The following RO60 variants were observed in gnomAD, a reference collection of about 807,000 sequenced individuals.
The protein encoded by RO60 is Ro60, Y RNA binding protein.
A neutral mutation model predicts 55.3 loss-of-function variants in RO60; 20 were observed. The observed-to-expected ratio is 0.36, with a 90% CI of 0.25 to 0.53. The LOEUF is 0.53. Among genes scored for constraint, RO60 ranks in the 20% least tolerant of loss-of-function variants. The pLI is 0.92. For synonymous variants in RO60, 213 were observed against 213.6 expected (o/e 1.00, Z 0.02); for missense variants, 558 against 646.6 (o/e 0.86, Z 1.49).
intron 8 of RO60, 64 bp downstream of exon 8, chr1:193,082,772 T>G: frequency 4.9e-6 from 7 of 1,439,634 alleles, no homozygotes; most frequent in Non-Finnish European, 6.5e-6. Context: ...GATTTTTTTT[T>G]TTTTTTTTTG....
At position 193,082,287 on chromosome 1, in the gene RO60, G is replaced by A; in HGVS notation, c.1305G>A (p.Met435Ile). 1.9e-6 allele frequency: 3 copies of A among 1,605,454 alleles called. No individual in the cohort carries two copies. The highest frequency in any genetic ancestry group is 2.6e-6 in the Non-Finnish European group (3 of 1,175,904). Residue 435 changes from methionine to isoleucine, a missense_variant, in exon 7 of 9, where the codon ATG becomes ATA. By Grantham distance (10) the Met-to-Ile change is conservative (BLOSUM62 1). Transcript: ENST00000400968. ...TTDMTLQQVL[M>I]AMSQIPAGGT... is the part of the protein sequence containing the mutation. ...ATATGACCTTACAACAGGTTTTAAT[G>A]GCTATGAGTCAGGTAAGAAACTGTG... is the stretch of plus-strand genomic sequence containing the variant.
Position 193,085,631 on chromosome 1 carries a change from C to G in RO60, c.*900C>G. On this transcript the variant is annotated 3_prime_UTR_variant, in exon 9 of 9. Transcript: ENST00000400968. ...ATTCACAAAGTATAACAATTAAAAT[C>G]TCAACTATAACCAGTTTAGCTTTTT... 1.0e-6 allele frequency: 1 copy of G among 984,258 alleles called. No homozygotes were observed. Among genetic ancestry groups the G allele is most frequent in the Non-Finnish European group, 1.2e-6 (1 of 828,954 alleles). 61.0% of individuals were successfully genotyped at this position (984,258 alleles called of 1,614,324 possible).
intron 2 of RO60, among the ~76,000 whole-genome samples, chr1:193,074,373 T>C (rs964968578): frequency 8.5e-5 from 13 of 152,228 alleles, no homozygotes; most frequent in African/African-American, 3.1e-4. Flanking sequence ...AGTGTTCCTG[T>C]TTCTCCACAT....
At chr1:193,091,696 C>T (rs376998963), downstream of RO60, 2 of 1,609,388 alleles carry the variant, frequency 1.2e-6, no homozygotes, top group Non-Finnish European at 1.7e-6. Flanking sequence ...ACATGGAGTG[C>T]AGGTGGACAC....
Position 193,087,236 on chromosome 1 carries a change from T to C in RO60, c.*2505T>C, listed in dbSNP as rs1410566517. On this transcript the variant is annotated 3_prime_UTR_variant, in exon 9 of 9. Coordinates refer to ENST00000400968, the MANE Select transcript of RO60 (RefSeq NM_001173524.2). ...ATATATAGAGAAAAAACAAAAACTT[T>C]ACCTCATTATGAATAAAATGTACTG... is the stretch of plus-strand genomic sequence containing the variant. 1 of 152,152 alleles carries C rather than the reference T, an allele frequency of 6.6e-6. No individual in the cohort carries two copies. The highest frequency in any genetic ancestry group is 2.4e-5 in the African/African-American group (1 of 41,452). 9.4% of individuals were successfully genotyped at this position (152,152 alleles called of 1,614,324 possible).
At position 193,075,759 on chromosome 1, in the gene RO60, CAT is replaced by C; in HGVS notation, c.581-60_581-59del. On this transcript the variant is annotated intron_variant, in intron 2 of 8. Coordinates refer to ENST00000400968, the MANE Select transcript of RO60 (RefSeq NM_001173524.2). ...GATCATATAATGCATTTTGAGGAAA[CAT>C]GTTCTGTTTTTTTACTTGGTAATCC... The C allele has an allele frequency of 4.8e-6, 6 of 1,252,272 alleles. No homozygotes were observed. In the South Asian group the frequency reaches 5.7e-5, roughly 12 times the overall value. The allele number at this position is 1,252,272 out of a possible 1,614,324, so 77.6% of individuals were successfully genotyped here. A position where few individuals can be genotyped will look rare whatever the true frequency, so the allele number is the denominator to read the frequency against.
chr1:193,082,164 T>C (rs564479770), intron 6 of RO60, 22 bp from the exon 7 acceptor site: 2 of 1,499,458 alleles, frequency 1.3e-6, no homozygotes, highest in South Asian at 2.3e-5. Context: ...TTGCTGAAAA[T>C]TACTGCCATT....
chr1:193,059,930 G>T lies in RO60; in HGVS notation c.-22+154G>T, dbSNP rs1672341455. 1 of 1,366,246 alleles carries T rather than the reference G, an allele frequency of 7.3e-7. No homozygotes were observed. Among genetic ancestry groups the T allele is most frequent in the Non-Finnish European group, 9.8e-7 (1 of 1,021,754 alleles). The allele number at this position is 1,366,246 out of a possible 1,614,324, so 84.6% of individuals were successfully genotyped here. A position where few individuals can be genotyped will look rare whatever the true frequency, so the allele number is the denominator to read the frequency against. On this transcript the variant is annotated intron_variant, in intron 1 of 8. Transcript: ENST00000400968. The surrounding 1 kb of genome is among the most constrained non-coding windows in gnomAD (Gnocchi z 4.9). Reference sequence around the variant, plus strand: ...TCGCTCTTCCCCGTCCCGCTTCCGCGCCTGTCCACCCTGGGTAACGGAACC... The same window carrying T: ...TCGCTCTTCCCCGTCCCGCTTCCGCTCCTGTCCACCCTGGGTAACGGAACC...
intron 2 of RO60, among the ~76,000 whole-genome samples, chr1:193,070,168 C>G (rs903093320): frequency 9.3e-5 from 14 of 150,378 alleles, no homozygotes; most frequent in African/African-American, 3.4e-4. Context: ...AAAAAAGTTG[C>G]AATAAGCAAA....
chr1:193,076,820 G>T, intron 4 of RO60, 93 bp from the exon 5 acceptor site: 1 of 1,393,368 alleles, frequency 7.2e-7, no homozygotes, highest in Non-Finnish European at 9.8e-7. Context: ...TTTTCTATAT[G>T]AAATGTAGTT....
intron 2 of RO60, among the ~76,000 whole-genome samples, chr1:193,074,295 C>A (rs1400246854): frequency 6.6e-6 from 1 of 152,156 alleles, no homozygotes; most frequent in African/African-American, 2.4e-5. Context: ...AGTTCTAGAT[C>A]CCTGAGGAAT....
At chr1:193,075,193 A>G (rs1673821244) in intron 2 of RO60, among the ~76,000 whole-genome samples, 1 of 152,104 alleles carries the variant, frequency 6.6e-6, no homozygotes, top group Admixed American at 6.6e-5. Flanking sequence ...GGCAGAGTAT[A>G]GGCTAGAACC....
In RO60 at chr1:193,090,084, G is replaced by GT; in HGVS notation, c.*5354dup. On this transcript the variant is annotated 3_prime_UTR_variant, in exon 9 of 9. Coordinates refer to ENST00000400968, the MANE Select transcript of RO60 (RefSeq NM_001173524.2). ...CTTCCAAAGTGCTAGGATTACAGGC[G>GT]TGAGCCACCGCACCTGGCCAACTTT... 1 of 152,262 alleles carries GT rather than the reference G, an allele frequency of 6.6e-6. No homozygotes were observed. Among genetic ancestry groups the GT allele is most frequent in the East Asian group, 1.9e-4 (1 of 5,182 alleles). The allele number at this position is 152,262 out of a possible 1,614,324, so 9.4% of individuals were successfully genotyped here.
At position 193,084,791 on chromosome 1, in the gene RO60, C is replaced by T. The variant is rs146182630; in HGVS notation, c.*60C>T. 5 of 1,570,534 alleles carry T rather than the reference C, an allele frequency of 3.2e-6. No homozygotes were observed. The East Asian group carries it at 9.0e-5, about 28-fold the overall frequency. ...CATCAGTGATCTCACTAAAAATATA[C>T]AGCTACTTCCCAGCTAATCTCCACC... is the stretch of plus-strand genomic sequence containing the variant. On this transcript the variant is annotated 3_prime_UTR_variant, in exon 9 of 9. Transcript: ENST00000400968.
chr1:193,083,018 A>G (rs979877546), intron 8 of RO60, among the ~76,000 whole-genome samples: 8 of 152,008 alleles, frequency 5.3e-5, no homozygotes, highest in Non-Finnish European at 1.0e-4. Context: ...TGGCTTCCCA[A>G]CGTGCTGGGA....
chr1:193,081,342 G>C, intron 5 of RO60, 22 bp from the exon 6 acceptor site: 1 of 1,327,422 alleles, frequency 7.5e-7, no homozygotes. Context: ...TGCTTTTAAT[G>C]ATTGTTTTGT....
intron 1 of RO60, among the ~76,000 whole-genome samples, chr1:193,066,316 T>C (rs1673103181): frequency 6.6e-6 from 1 of 152,190 alleles, no homozygotes; most frequent in Non-Finnish European, 1.5e-5. Flanking sequence ...CTAAGTCCCA[T>C]CCTCTTTTAC....
intron 1 of RO60, among the ~76,000 whole-genome samples, chr1:193,068,172 A>G (rs1362700719): frequency 6.6e-6 from 1 of 152,110 alleles, no homozygotes; most frequent in Non-Finnish European, 1.5e-5. Flanking sequence ...AACTCCCTAT[A>G]CCAGTCATGT....
rs1257462432 is a variant in RO60 at position 193,090,125 on chromosome 1, T to C, written c.*5394T>C. 1 of 152,194 alleles carries C rather than the reference T, an allele frequency of 6.6e-6. No homozygotes were observed. Among genetic ancestry groups the C allele is most frequent in the African/African-American group, 2.4e-5 (1 of 41,448 alleles). The allele number at this position is 152,194 out of a possible 1,614,324, so 9.4% of individuals were successfully genotyped here. ...GGCCAACTTTTCATCTTAAGTTGTT[T>C]AAATTTATGCACTTTTAGATATCAG... On this transcript the variant is annotated 3_prime_UTR_variant, in exon 9 of 9. Coordinates refer to ENST00000400968, the MANE Select transcript of RO60 (RefSeq NM_001173524.2).
Sources: gnomAD v4.1 joint callset for allele counts (sites outside exome capture counted in the v4.1 genomes callset) on GRCh38, gnomAD v4.1.1 for gene constraint, Gnocchi (gnomAD v3.1) non-coding constraint, MANE v1.5 for transcripts, NCBI Gene and HGNC (gene_info 2026-07-23, HGNC 2026-07-21) for gene names.